The following P2RY8 variants were observed in gnomAD, a reference collection of about 807,000 sequenced individuals.
P2RY8 encodes the protein P2Y receptor family member 8.
In P2RY8, 6 loss-of-function variants were observed where a neutral mutation model predicts 10.0. That is an observed-to-expected ratio of 0.60 (90% confidence interval 0.33 to 1.19). The LOEUF (loss-of-function observed/expected upper bound fraction) is 1.19. P2RY8 is among the 50% of genes most tolerant of loss of function. The pLI, the probability that P2RY8 is intolerant of heterozygous loss-of-function variation, is 0.04. For synonymous variants in P2RY8, 276 were observed against 252.5 expected, an observed-to-expected ratio of 1.09 and a Z score of -0.88; for missense variants, 456 against 542.0, an observed-to-expected ratio of 0.84 and a Z score of 1.58.
intron 1 of P2RY8, among the ~76,000 whole-genome samples, chrX:1,509,161 T>TCTA (rs2092269272): frequency 7.7e-4 from 111 of 144,542 alleles, no homozygotes; most frequent in Middle Eastern, 7.2e-3. Context: ...TATCCATCCA[T>TCTA]TCTATCTATC....
At chrX:1,509,979 A>AT (rs369108533) in intron 1 of P2RY8, among the ~76,000 whole-genome samples, 62,324 of 140,072 alleles carry the variant, frequency 0.44, 13,229 homozygotes, top group Middle Eastern at 0.55. Context: ...CCATCCATCC[A>AT]TCCATCATCT....
At chrX:1,502,599 A>C (rs1174446632) in intron 1 of P2RY8, among the ~76,000 whole-genome samples, 1 of 152,140 alleles carries the variant, frequency 6.6e-6, no homozygotes, top group African/African-American at 2.4e-5. Context: ...GCTGGGTTGG[A>C]TGGTGGCCCC....
At chrX:1,506,827 G>A (rs1239461830) in intron 1 of P2RY8, among the ~76,000 whole-genome samples, 10 of 151,832 alleles carry the variant, frequency 6.6e-5, no homozygotes, top group Middle Eastern at 3.2e-3. Context: ...ACAGGCACCC[G>A]CCACCACGCC....
chrX:1,496,954 C>T (rs1419269437), intron 1 of P2RY8, among the ~76,000 whole-genome samples: 2 of 150,574 alleles, frequency 1.3e-5, no homozygotes, highest in Middle Eastern at 3.2e-3. Context: ...CGTGGTGGCT[C>T]ACGCCTGTAA....
rs192454374 is a variant in P2RY8 at position 1,487,847 on chromosome X, A to T, written c.-24-21265T>A. Among the ~76,000 whole-genome samples, 156 of 152,264 alleles carry T rather than the reference A, an allele frequency of 1.0e-3. 1 individual carries two copies. The highest frequency in any genetic ancestry group is 3.5e-3 in the African/African-American group (147 of 41,550). ...AAGGCCGGGCCAGGCGCGGTGGCTC[A>T]CGCCTGTCATCCCAGCACTTTGGGA... On this transcript the variant is annotated intron_variant, in intron 1 of 1. Transcript: ENST00000381297.
At chrX:1,507,275 C>T (rs5989777) in intron 1 of P2RY8, among the ~76,000 whole-genome samples, 8 of 151,972 alleles carry the variant, frequency 5.3e-5, no homozygotes, top group Non-Finnish European at 8.8e-5. Context: ...TCTCTCTGTG[C>T]GTGTCCAAGA....
At chrX:1,473,022 T>C (rs1164343521) in intron 1 of P2RY8, among the ~76,000 whole-genome samples, 51 of 123,462 alleles carry the variant, frequency 4.1e-4, no homozygotes, top group Non-Finnish European at 1.7e-5. Context: ...GAATGGTAGG[T>C]GGGTTTGTGA....
At chrX:1,536,009 A>C (rs1225542963) in intron 1 of P2RY8, among the ~76,000 whole-genome samples, 52 of 152,034 alleles carry the variant, frequency 3.4e-4, no homozygotes, top group Non-Finnish European at 5.6e-4. Context: ...GGGGGTGACG[A>C]GGGGCCACCG....
chrX:1,519,988 A>G (rs1201920702), intron 1 of P2RY8, among the ~76,000 whole-genome samples: 2 of 148,444 alleles, frequency 1.3e-5, no homozygotes, highest in African/African-American at 2.5e-5. Flanking sequence ...CTGATCTCCA[A>G]TTATCACCTT....
At chrX:1,476,970 C>T (rs1196914443) in intron 1 of P2RY8, among the ~76,000 whole-genome samples, 16 of 152,082 alleles carry the variant, frequency 1.1e-4, no homozygotes, top group Non-Finnish European at 1.3e-4. Context: ...GGGTGGATCA[C>T]CTGAGGTCAG....
chrX:1,466,136 C>A lies in P2RY8; in HGVS notation c.423G>T (p.Val141=). The change falls in exon 2 of 2, where the codon GTG becomes GTT. Residue 141 remains valine, a synonymous_variant. Transcript: ENST00000381297. ...GCAGCCAGGTCCCTGCACACGCGGC[C>A]ACCGCGTAACGACGGCGGCGCCAGC... ...SKRWRRRRYA[V]AACAGTWLLL... The A allele has an allele frequency of 6.2e-7, 1 of 1,611,840 alleles. No homozygotes were observed. Among genetic ancestry groups the A allele is most frequent in the Non-Finnish European group, 8.5e-7 (1 of 1,179,362 alleles).
intron 1 of P2RY8, among the ~76,000 whole-genome samples, chrX:1,507,849 G>A (rs1386039150): frequency 1.3e-5 from 2 of 152,106 alleles, no homozygotes; most frequent in Non-Finnish European, 1.5e-5. Context: ...TGGCATGGCC[G>A]TGGTCAGACC....
intron 1 of P2RY8, among the ~76,000 whole-genome samples, chrX:1,492,277 C>T (rs1409593540): frequency 6.6e-6 from 1 of 152,166 alleles, no homozygotes; most frequent in African/African-American, 2.4e-5. Context: ...GTTAGGGGGC[C>T]ACCCTCACCC....
chrX:1,492,835 G>A (rs768075370), intron 1 of P2RY8, among the ~76,000 whole-genome samples: 8 of 152,152 alleles, frequency 5.3e-5, no homozygotes, highest in Non-Finnish European at 1.0e-4. Context: ...AGGCAGTCAC[G>A]TATCATTCAT....
At chrX:1,497,221 C>CAAA (rs555047911) in intron 1 of P2RY8, among the ~76,000 whole-genome samples, 97 of 84,448 alleles carry the variant, frequency 1.1e-3, no homozygotes, top group African/African-American at 3.8e-3. Context: ...GACTCCGTCT[C>CAAA]AAAAAAAAAA....
At chrX:1,516,590 C>A (rs113107658) in intron 1 of P2RY8, among the ~76,000 whole-genome samples, 65 of 143,018 alleles carry the variant, frequency 4.5e-4, no homozygotes, top group South Asian at 3.2e-3. Context: ...GAGAAGATGG[C>A]GTCTCCAAGT....
At chrX:1,498,181 C>A (rs746300403) in intron 1 of P2RY8, among the ~76,000 whole-genome samples, 1 of 151,912 alleles carries the variant, frequency 6.6e-6, no homozygotes, top group Non-Finnish European at 1.5e-5. Flanking sequence ...CCGAGGCGGG[C>A]AGATCGCGAG....
At chrX:1,506,079 G>C (rs28401714) in intron 1 of P2RY8, among the ~76,000 whole-genome samples, 1 of 145,852 alleles carries the variant, frequency 6.9e-6, no homozygotes, top group Non-Finnish European at 1.5e-5. Context: ...TGCAAGCTCC[G>C]CCTCCCGGGT....
At chrX:1,536,025 A>G (rs1342715445) in intron 1 of P2RY8, among the ~76,000 whole-genome samples, 4 of 152,118 alleles carry the variant, frequency 2.6e-5, no homozygotes, top group Non-Finnish European at 5.9e-5. Context: ...CACCGTGCTC[A>G]TCCAGGCACC....
Sources: allele counts gnomAD v4.1 joint callset (sites outside exome capture counted in the v4.1 genomes callset), GRCh38; gene constraint gnomAD v4.1.1; transcripts MANE v1.5; gene names NCBI Gene and HGNC (gene_info 2026-07-23, HGNC 2026-07-21).